BCAS3: variants seen among roughly 807,000 people sequenced by gnomAD.
BCAS3 encodes BCAS4/BCAS3 fusion.
A neutral mutation model predicts 116.1 loss-of-function variants in BCAS3; 53 were observed. The observed-to-expected ratio is 0.46, with a 90% CI of 0.37 to 0.57. The LOEUF is 0.57. BCAS3 is among the 20% of genes least tolerant of loss of function. The probability of loss-of-function intolerance (pLI) is 0.00; values close to 1 mark genes in which losing one functional copy is unlikely to be tolerated. For synonymous variants in BCAS3, 391 were observed against 408.2 expected (o/e 0.96, Z 0.51); for missense variants, 917 against 1,165.4 (o/e 0.79, Z 3.10).
intron 22 of BCAS3, among the ~76,000 whole-genome samples, chr17:61,293,372 T>G (rs2052616186): frequency 1.3e-5 from 2 of 152,154 alleles, no homozygotes; most frequent in African/African-American, 4.8e-5. Flanking sequence ...CTCTCCTGCC[T>G]TACCTCCCTC....
chr17:61,342,405 C>A (rs569203587), intron 22 of BCAS3, among the ~76,000 whole-genome samples: 1 of 152,326 alleles, frequency 6.6e-6, no homozygotes, highest in East Asian at 1.9e-4. Context: ...ATCAGCCTCC[C>A]AAAGTGCTGG....
chr17:61,358,986 G>C (rs2058305027), intron 22 of BCAS3, among the ~76,000 whole-genome samples: 1 of 152,162 alleles, frequency 6.6e-6, no homozygotes, highest in Admixed American at 6.5e-5. Context: ...CTAAGAGGTT[G>C]CTTCTCCTAC....
chr17:61,163,638 A>G (rs1204926781), intron 22 of BCAS3, among the ~76,000 whole-genome samples: 2 of 152,054 alleles, frequency 1.3e-5, no homozygotes, highest in Non-Finnish European at 2.9e-5. Flanking sequence ...TATGGAATGT[A>G]GATTAAGAAG....
At chr17:61,294,785 G>GCAA (rs2052739530) in intron 22 of BCAS3, among the ~76,000 whole-genome samples, 2 of 152,208 alleles carry the variant, frequency 1.3e-5, no homozygotes, top group Admixed American at 6.5e-5. Context: ...GTCTGTATTT[G>GCAA]ATGCAGCTGG....
intron 12 of BCAS3, among the ~76,000 whole-genome samples, chr17:60,923,777 AAG>A (rs2059223901): frequency 6.6e-6 from 1 of 152,190 alleles, no homozygotes; most frequent in Non-Finnish European, 1.5e-5. Context: ...GAGTGAATAA[AAG>A]AAACTCCATT....
Position 60,964,884 on chromosome 17 carries a change from A to C in BCAS3, c.1221+17532A>C, listed in dbSNP as rs957499591. On this transcript the variant is annotated intron_variant, in intron 14 of 23. Transcript: ENST00000407086. The surrounding 1 kb of genome is among the most constrained non-coding windows in gnomAD (Gnocchi z 4.6). ...TTGTGTTTCTGAGGTCTCAGTTGTT[A>C]TGTGTCCTTTCTTTGTTTCTGATTT... is the stretch of plus-strand genomic sequence containing the variant. Among the ~76,000 whole-genome samples the C allele has an allele frequency of 4.0e-5, 6 of 151,860 alleles. No individual in the cohort carries two copies. The highest frequency in any genetic ancestry group is 1.3e-4 in the Admixed American group (2 of 15,262).
intron 7 of BCAS3, among the ~76,000 whole-genome samples, chr17:60,846,093 T>A (rs1226778266): frequency 6.6e-6 from 1 of 152,042 alleles, no homozygotes; most frequent in Non-Finnish European, 1.5e-5. Flanking sequence ...CATGCCCAAT[T>A]AATTTTTAAA....
chr17:61,296,273 G>C (rs1315714304), intron 22 of BCAS3, among the ~76,000 whole-genome samples: 1 of 152,136 alleles, frequency 6.6e-6, no homozygotes, highest in Admixed American at 6.6e-5. Flanking sequence ...CCTTGAGTTA[G>C]CCCTAATGAC....
intron 9 of BCAS3, chr17:60,886,546 C>A (rs1360358655): frequency 6.6e-6 from 1 of 152,028 alleles, no homozygotes. Flanking sequence ...TCCAGTTTTT[C>A]TGTTCTGTTT....
chr17:60,986,190 A>C (rs2145417656), intron 14 of BCAS3, among the ~76,000 whole-genome samples: 1 of 152,252 alleles, frequency 6.6e-6, no homozygotes, highest in South Asian at 2.1e-4. Flanking sequence ...TTTATGGCTA[A>C]ATAGTACTCC....
chr17:60,865,280 A>C lies in BCAS3; in HGVS notation c.477-3296A>C, dbSNP rs1367682088. Among the ~76,000 whole-genome samples the C allele has an allele frequency of 2.0e-5, 3 of 152,230 alleles. No homozygotes were observed. In the East Asian group the frequency reaches 5.8e-4, roughly 29 times the overall value. On this transcript the variant is annotated intron_variant, in intron 7 of 23. Transcript: ENST00000407086. Reference sequence around the variant, plus strand: ...TATGCTCGTATGTAAGAATCATGTTAATTTGCATAAAGATTTTAAAGTTAG... The same window carrying C: ...TATGCTCGTATGTAAGAATCATGTTCATTTGCATAAAGATTTTAAAGTTAG...
chr17:60,965,225 A>C lies in BCAS3; in HGVS notation c.1221+17873A>C, dbSNP rs12452963. 0.022 allele frequency among the ~76,000 whole-genome samples: 3,201 copies of C among 146,652 alleles called. 307 individuals carry two copies. The East Asian group carries it at 0.31, about 14-fold the overall frequency. On this transcript the variant is annotated intron_variant, in intron 14 of 23. Coordinates refer to ENST00000407086, the MANE Select transcript of BCAS3 (RefSeq NM_017679.5). ...ATATCCCATAGGTTTTGGTATATTGAATTTTTTTTTTTTTTTTTTTTGAGA... is the reference window on the plus strand; with the variant it reads ...ATATCCCATAGGTTTTGGTATATTGCATTTTTTTTTTTTTTTTTTTTGAGA...
At chr17:61,234,789 A>G (rs1381290312) in intron 22 of BCAS3, among the ~76,000 whole-genome samples, 9 of 151,776 alleles carry the variant, frequency 5.9e-5, no homozygotes, top group South Asian at 2.1e-4. Flanking sequence ...TCCAGAAAAA[A>G]AAAAAAAAAA....
chr17:60,835,124 A>G (rs1308740666), intron 7 of BCAS3, among the ~76,000 whole-genome samples: 2 of 152,034 alleles, frequency 1.3e-5, no homozygotes, highest in Non-Finnish European at 2.9e-5. Context: ...AGGAAAGTAC[A>G]ATAGAATCTT....
chr17:60,776,449 G>A lies in BCAS3; in HGVS notation c.403+29170G>A, dbSNP rs535378856. ...AATATAAGAACAAATGGCTGTGCGC[G>A]GTGGCTCACGCCTGTAATCCCAGCA... On this transcript the variant is annotated intron_variant, in intron 6 of 23. Coordinates refer to ENST00000407086, the MANE Select transcript of BCAS3 (RefSeq NM_017679.5). Among the ~76,000 whole-genome samples the A allele has an allele frequency of 7.2e-5, 11 of 152,202 alleles. No homozygotes were observed. In the East Asian group the frequency reaches 9.6e-4, roughly 13 times the overall value.
intron 22 of BCAS3, among the ~76,000 whole-genome samples, chr17:61,306,092 A>T (rs987397825): frequency 2.0e-5 from 3 of 152,196 alleles, no homozygotes; most frequent in African/African-American, 7.2e-5. Flanking sequence ...CAAACACCCT[A>T]GTATGTTTCC....
intron 10 of BCAS3, among the ~76,000 whole-genome samples, chr17:60,892,950 T>C (rs977406946): frequency 6.6e-6 from 1 of 151,928 alleles, no homozygotes; most frequent in Non-Finnish European, 1.5e-5. Context: ...TAAAAAGTCG[T>C]TTTCACTGGC....
intron 6 of BCAS3, among the ~76,000 whole-genome samples, chr17:60,788,039 A>G (rs1195832875): frequency 6.6e-6 from 1 of 152,098 alleles, no homozygotes; most frequent in Non-Finnish European, 1.5e-5. Flanking sequence ...CACCATGCTC[A>G]GTGCTTTGCG....
rs1181358279 is a variant in BCAS3 at position 61,219,269 on chromosome 17, C to G, written c.2425+134705C>G. ...AGATCCTTGTCCAGAAATCCTGTGTCTCAGTGGTACCCAGCGATACCCTGG... is the reference window on the plus strand; with the variant it reads ...AGATCCTTGTCCAGAAATCCTGTGTGTCAGTGGTACCCAGCGATACCCTGG... On this transcript the variant is annotated intron_variant, in intron 22 of 23. Coordinates refer to ENST00000407086, the MANE Select transcript of BCAS3 (RefSeq NM_017679.5). This position sits in a 1 kb window ranked among gnomAD's most constrained non-coding sequence, Gnocchi z 5.2. Among the ~76,000 whole-genome samples the G allele has an allele frequency of 6.6e-6, 1 of 152,114 alleles. No homozygotes were observed. Among genetic ancestry groups the G allele is most frequent in the Non-Finnish European group, 1.5e-5 (1 of 68,028 alleles).
Sources: gnomAD v4.1 joint callset for allele counts (sites outside exome capture counted in the v4.1 genomes callset) on GRCh38, gnomAD v4.1.1 for gene constraint, Gnocchi (gnomAD v3.1) non-coding constraint, MANE v1.5 for transcripts, NCBI Gene and HGNC (gene_info 2026-07-23, HGNC 2026-07-21) for gene names.